KDM4B: variants seen among roughly 807,000 people sequenced by gnomAD.
KDM4B encodes the protein lysine-specific demethylase 4B.
Under a neutral mutation model 125.2 loss-of-function variants are expected in KDM4B, and 32 were observed. That is an observed-to-expected ratio of 0.26 (90% confidence interval 0.19 to 0.34). The LOEUF (loss-of-function observed/expected upper bound fraction) is 0.34. Among genes scored for constraint, KDM4B ranks in the 10% least tolerant of loss-of-function variants. KDM4B has a pLI of 1.00. For missense variants in KDM4B, 1,190 were observed against 1,577.7 expected (o/e 0.75, Z 4.16); for synonymous variants, 721 against 677.9 (o/e 1.06, Z -0.99).
intron 5 of KDM4B, among the ~76,000 whole-genome samples, chr19:5,046,617 G>A (rs2037034795): frequency 6.6e-6 from 1 of 152,224 alleles, no homozygotes; most frequent in Non-Finnish European, 1.5e-5. Flanking sequence ...TATTTTATGA[G>A]CTCTTGGGAC....
At chr19:5,136,459 G>T (rs370891899) in intron 15 of KDM4B, among the ~76,000 whole-genome samples, 2 of 152,260 alleles carry the variant, frequency 1.3e-5, no homozygotes, top group East Asian at 1.9e-4. Context: ...TCCTCCTGGC[G>T]GTGGCCTGCC....
chr19:5,101,416 G>A (rs2038931032), intron 9 of KDM4B, among the ~76,000 whole-genome samples: 2 of 151,920 alleles, frequency 1.3e-5, no homozygotes, highest in South Asian at 4.1e-4. Context: ...GCAGCACTTT[G>A]GGAGGCTGAG....
chr19:5,059,177 G>A (rs1326674752), intron 6 of KDM4B, among the ~76,000 whole-genome samples: 3 of 152,222 alleles, frequency 2.0e-5, no homozygotes, highest in East Asian at 1.9e-4. Context: ...CGAGGCTGCT[G>A]CCGGCGGGGT....
intron 11 of KDM4B, among the ~76,000 whole-genome samples, chr19:5,127,361 A>G (rs941663008): frequency 2.0e-5 from 3 of 152,186 alleles, no homozygotes; most frequent in African/African-American, 7.2e-5. Flanking sequence ...GCCGTCTTTC[A>G]GGGTGTCCTT....
At chr19:5,068,214 G>A (rs2037836268) in intron 6 of KDM4B, among the ~76,000 whole-genome samples, 1 of 152,124 alleles carries the variant, frequency 6.6e-6, no homozygotes, top group Admixed American at 6.5e-5. Flanking sequence ...CTGGGCGGAG[G>A]ACCCTGCTGA....
At chr19:5,030,945 C>G (rs187368278) in intron 2 of KDM4B, among the ~76,000 whole-genome samples, 8 of 152,252 alleles carry the variant, frequency 5.3e-5, no homozygotes, top group Non-Finnish European at 1.2e-4. Flanking sequence ...CTGAGGTGAC[C>G]GCGTTCTGCC....
intron 6 of KDM4B, among the ~76,000 whole-genome samples, chr19:5,056,692 C>T (rs1266724538): frequency 6.6e-6 from 1 of 152,198 alleles, no homozygotes; most frequent in Non-Finnish European, 1.5e-5. Context: ...AGACGTGTGT[C>T]ACTGTGCCCA....
chr19:5,053,281 G>A (rs2037290086), intron 6 of KDM4B, among the ~76,000 whole-genome samples: 1 of 152,232 alleles, frequency 6.6e-6, no homozygotes. Context: ...CGGTGCCCTG[G>A]GAGGTCAGAC....
At chr19:5,125,291 G>A (rs1303480094) in intron 11 of KDM4B, among the ~76,000 whole-genome samples, 1 of 152,180 alleles carries the variant, frequency 6.6e-6, no homozygotes, top group Non-Finnish European at 1.5e-5. Context: ...TCTCACTTGG[G>A]CCTCACCATG....
At chr19:5,111,704 C>T in intron 10 of KDM4B, 2 of 754,690 alleles carry the variant, frequency 2.7e-6, no homozygotes, top group Non-Finnish European at 4.9e-6. Flanking sequence ...AGGGACGGCA[C>T]AGAGTGGGCT....
At chr19:4,984,056 G>A (rs1367121068) in intron 1 of KDM4B, among the ~76,000 whole-genome samples, 3 of 152,230 alleles carry the variant, frequency 2.0e-5, no homozygotes, top group African/African-American at 7.2e-5. Context: ...GGGGACATTT[G>A]TGATGGTCAG....
At position 5,153,213 on chromosome 19, in the gene KDM4B, G is replaced by GT. The variant is rs1359900517; in HGVS notation, c.*1702_*1703insT. 6.6e-6 allele frequency: 1 copy of GT among 152,214 alleles called. No individual in the cohort carries two copies. Among genetic ancestry groups the GT allele is most frequent in the East Asian group, 1.9e-4 (1 of 5,196 alleles). The allele number at this position is 152,214 out of a possible 1,614,324, so 9.4% of individuals were successfully genotyped here. A position where few individuals can be genotyped will look rare whatever the true frequency, so the allele number is the denominator to read the frequency against. ...GGAGAGGGCCGGGGTCGGGGAGGTT[G>GT]GGGGGTGTCAGCCAAAACGTGGAGG... is the stretch of plus-strand genomic sequence containing the variant. On this transcript the variant is annotated 3_prime_UTR_variant, in exon 23 of 23. Coordinates refer to ENST00000159111, the MANE Select transcript of KDM4B (RefSeq NM_015015.3).
intron 21 of KDM4B, among the ~76,000 whole-genome samples, chr19:5,146,053 C>CG (rs1431733006): frequency 1.3e-5 from 2 of 151,818 alleles, no homozygotes; most frequent in East Asian, 3.9e-4. Flanking sequence ...CCGTGCAGGC[C>CG]GGCCCCGCCC....
intron 1 of KDM4B, among the ~76,000 whole-genome samples, chr19:4,995,922 C>A (rs763984772): frequency 6.6e-6 from 1 of 152,192 alleles, no homozygotes; most frequent in Admixed American, 6.5e-5. Context: ...GCTCTGCAGT[C>A]CTTTATTTTG....
At position 5,070,999 on chromosome 19, in the gene KDM4B, TTC is replaced by T. The variant is rs1251840323; in HGVS notation, c.627-6_627-5del. ...CGATCTTGCCTCTGACGTGCCTCCC[TTC>T]TCTCGCAGGTACGCCATCCCACCAG... On this transcript the variant is annotated splice_polypyrimidine_tract_variant and intron_variant, in intron 6 of 22. Coordinates refer to ENST00000159111, the MANE Select transcript of KDM4B (RefSeq NM_015015.3). 1 of 1,613,402 alleles carries T rather than the reference TTC, an allele frequency of 6.2e-7. No individual in the cohort carries two copies.
In KDM4B at chr19:4,971,952, C is replaced by T. The variant is rs1477684842; in HGVS notation, c.-109+2722C>T. 3.7e-5 allele frequency among the ~76,000 whole-genome samples: 4 copies of T among 108,156 alleles called. No individual in the cohort carries two copies. Among genetic ancestry groups the T allele is most frequent in the South Asian group, 3.0e-4 (1 of 3,388 alleles). The allele number at this position is 108,156 out of a possible 152,430, so 71.0% of individuals were successfully genotyped here. A position where few individuals can be genotyped will look rare whatever the true frequency, so the allele number is the denominator to read the frequency against. ...AGATGAACAGGGTGGGGGCTCGGGG[C>T]GGGGGGAGCTCCGCAGGCCTGCACT... On this transcript the variant is annotated intron_variant, in intron 1 of 22. Coordinates refer to ENST00000159111, the MANE Select transcript of KDM4B (RefSeq NM_015015.3). This position sits in a 1 kb window ranked among gnomAD's most constrained non-coding sequence, Gnocchi z 4.1.
chr19:5,139,832 C>A (rs1362707593), intron 18 of KDM4B, among the ~76,000 whole-genome samples: 1 of 152,222 alleles, frequency 6.6e-6, no homozygotes, highest in Non-Finnish European at 1.5e-5. Context: ...TTGAGGCCCC[C>A]CGTAGATGCG....
intron 10 of KDM4B, chr19:5,111,807 C>A: frequency 1.3e-6 from 1 of 765,202 alleles, no homozygotes; most frequent in Non-Finnish European, 2.4e-6. Flanking sequence ...GTCTCGACTC[C>A]GCATGGCAAC....
intron 6 of KDM4B, among the ~76,000 whole-genome samples, chr19:5,062,658 CT>C (rs201021650): frequency 1.0e-4 from 15 of 144,152 alleles, no homozygotes; most frequent in Admixed American, 2.1e-4. Flanking sequence ...TTTTTGTTGA[CT>C]TTTTTTTTTA....
Sources: allele counts gnomAD v4.1 joint callset (sites outside exome capture counted in the v4.1 genomes callset), GRCh38; gene constraint gnomAD v4.1.1; non-coding constraint Gnocchi (gnomAD v3.1); transcripts MANE v1.5; gene names NCBI Gene and HGNC (gene_info 2026-07-23, HGNC 2026-07-21).